The following SUPT3H variants were observed in gnomAD, a reference collection of about 807,000 sequenced individuals.
SUPT3H encodes the protein transcription initiation protein SPT3 homolog.
A neutral mutation model predicts 44.3 loss-of-function variants in SUPT3H; 44 were observed. That is an observed-to-expected ratio of 0.99 (90% CI 0.78 to 1.28). SUPT3H has a LOEUF of 1.28. Ranked by LOEUF, SUPT3H falls within the 50% of genes most tolerant of loss-of-function variation. The pLI, the probability that SUPT3H is intolerant of heterozygous loss-of-function variation, is 0.00. For synonymous variants in SUPT3H, 124 were observed against 125.6 expected (o/e 0.99, Z 0.09); for missense variants, 380 against 387.1 (o/e 0.98, Z 0.15).
intron 2 of SUPT3H, among the ~76,000 whole-genome samples, chr6:45,277,987 G>A (rs139513517): frequency 0.018 from 2,668 of 152,280 alleles, 50 homozygotes; most frequent in South Asian, 0.085. Context: ...GGACATGGAT[G>A]AAGCTGGAAA....
At chr6:45,263,342 G>A (rs1039854134) in intron 2 of SUPT3H, among the ~76,000 whole-genome samples, 2 of 152,136 alleles carry the variant, frequency 1.3e-5, no homozygotes, top group Admixed American at 1.3e-4. Flanking sequence ...AAATACGGAT[G>A]CAGCTGAAGG....
At chr6:44,821,482 C>A (rs1190042054) in intron 11 of SUPT3H, among the ~76,000 whole-genome samples, 2 of 152,162 alleles carry the variant, frequency 1.3e-5, no homozygotes, top group East Asian at 3.8e-4. Flanking sequence ...ACCTGCCCCT[C>A]TTTCAATTTT....
chr6:45,373,008 T>C lies in SUPT3H; in HGVS notation c.-1+4760A>G, dbSNP rs6930090. On this transcript the variant is annotated intron_variant, in intron 1 of 10. Coordinates refer to ENST00000371459, the MANE Select transcript of SUPT3H (RefSeq NM_003599.4). Reference sequence around the variant, plus strand: ...ATTTTTAGTAGACAGAGTTTCACCATGTTGGCCAGGCTGGTCTCAAACTCC... The same window carrying C: ...ATTTTTAGTAGACAGAGTTTCACCACGTTGGCCAGGCTGGTCTCAAACTCC... Among the ~76,000 whole-genome samples the C allele has an allele frequency of 3.9e-3, 594 of 152,270 alleles. 7 individuals are homozygous for C. Among genetic ancestry groups the C allele is most frequent in the African/African-American group, 0.014 (566 of 41,544 alleles).
At position 44,829,783 on chromosome 6, in the gene SUPT3H, T is replaced by G; in HGVS notation, c.*33A>C. 2 of 1,608,290 alleles carry G rather than the reference T, an allele frequency of 1.2e-6. No homozygotes were observed. Among genetic ancestry groups the G allele is most frequent in the Non-Finnish European group, 1.7e-6 (2 of 1,176,652 alleles). On this transcript the variant is annotated 3_prime_UTR_variant, in exon 11 of 11. Coordinates refer to ENST00000371459, the MANE Select transcript of SUPT3H (RefSeq NM_003599.4). Reference sequence around the variant, plus strand: ...AATCACCTTAATATAACATTGCCTTTCCTGTTGTTGCAGGCACATCACAGT... The same window carrying G: ...AATCACCTTAATATAACATTGCCTTGCCTGTTGTTGCAGGCACATCACAGT...
chr6:45,143,727 CA>C (rs938885665), intron 2 of SUPT3H, among the ~76,000 whole-genome samples: 8 of 151,466 alleles, frequency 5.3e-5, no homozygotes, highest in Middle Eastern at 3.4e-3. Context: ...GAAATTGAAA[CA>C]AAAAAATGCA....
At chr6:44,972,423 G>A (rs1468669861) in intron 6 of SUPT3H, among the ~76,000 whole-genome samples, 1 of 152,162 alleles carries the variant, frequency 6.6e-6, no homozygotes, top group Non-Finnish European at 1.5e-5. Context: ...ACGCCCCTGT[G>A]GCTTTGTAGG....
intron 2 of SUPT3H, among the ~76,000 whole-genome samples, chr6:45,293,976 A>G (rs1286328252): frequency 6.6e-6 from 1 of 152,170 alleles, no homozygotes; most frequent in Non-Finnish European, 1.5e-5. Flanking sequence ...CCCTCCCTAA[A>G]TCATTCTATG....
intron 10 of SUPT3H, among the ~76,000 whole-genome samples, chr6:44,850,078 T>C (rs1180766387): frequency 6.6e-6 from 1 of 152,126 alleles, no homozygotes. Flanking sequence ...TGGTCAGAGA[T>C]GATGACTAAA....
At chr6:45,062,122 G>A (rs898907441) in intron 3 of SUPT3H, among the ~76,000 whole-genome samples, 1 of 151,336 alleles carries the variant, frequency 6.6e-6, no homozygotes, top group South Asian at 2.1e-4. Flanking sequence ...ATTTACACTG[G>A]CGTCTGATAT....
chr6:45,341,435 G>C (rs868017163), intron 2 of SUPT3H, among the ~76,000 whole-genome samples: 13 of 152,214 alleles, frequency 8.5e-5, no homozygotes, highest in Middle Eastern at 3.4e-3. Flanking sequence ...ATATTTTAAT[G>C]AGCAAACTAA....
At chr6:45,300,985 T>C (rs1782065339) in intron 2 of SUPT3H, among the ~76,000 whole-genome samples, 1 of 152,134 alleles carries the variant, frequency 6.6e-6, no homozygotes, top group Non-Finnish European at 1.5e-5. Context: ...CAGGGAGATG[T>C]CACATATTGA....
At chr6:44,947,298 C>T (rs1332138580) in intron 9 of SUPT3H, among the ~76,000 whole-genome samples, 1 of 151,882 alleles carries the variant, frequency 6.6e-6, no homozygotes, top group African/African-American at 2.4e-5. Flanking sequence ...CAGAAACATA[C>T]AAATATATTG....
intron 6 of SUPT3H, among the ~76,000 whole-genome samples, chr6:44,973,995 G>A (rs983613282): frequency 5.3e-5 from 8 of 152,110 alleles, no homozygotes; most frequent in African/African-American, 1.7e-4. Context: ...TGGGGACACA[G>A]CCAAACTGTA....
intron 2 of SUPT3H, among the ~76,000 whole-genome samples, chr6:45,113,770 C>A (rs890988009): frequency 1.3e-4 from 18 of 142,066 alleles, no homozygotes; most frequent in African/African-American, 4.5e-4. Context: ...GCAGAGGTTG[C>A]GGTGAGCCGA....
At chr6:45,232,762 C>T (rs1026542249) in intron 2 of SUPT3H, among the ~76,000 whole-genome samples, 2 of 152,114 alleles carry the variant, frequency 1.3e-5, no homozygotes, top group African/African-American at 4.8e-5. Flanking sequence ...GACAGGAGCA[C>T]CACAGCACTG....
chr6:45,192,491 T>C (rs1815309339), intron 2 of SUPT3H, among the ~76,000 whole-genome samples: 1 of 152,180 alleles, frequency 6.6e-6, no homozygotes, highest in African/African-American at 2.4e-5. Context: ...ATTTTATGTT[T>C]TTAAAGAGTA....
chr6:44,911,753 G>A (rs1767087423), intron 10 of SUPT3H, among the ~76,000 whole-genome samples: 1 of 152,116 alleles, frequency 6.6e-6, no homozygotes, highest in African/African-American at 2.4e-5. Flanking sequence ...AGGGTAATAC[G>A]AATTGTTACT....
chr6:45,129,538 A>G (rs995438718), intron 2 of SUPT3H, among the ~76,000 whole-genome samples: 2 of 152,220 alleles, frequency 1.3e-5, no homozygotes, highest in Non-Finnish European at 1.5e-5. Context: ...ATTTATTGAA[A>G]GTTCACCGTC....
intron 10 of SUPT3H, among the ~76,000 whole-genome samples, chr6:44,869,495 C>G (rs941507503): frequency 6.6e-6 from 1 of 152,144 alleles, no homozygotes; most frequent in Non-Finnish European, 1.5e-5. Context: ...TGAAAATCAG[C>G]ACGTATGTAG....
Sources: gnomAD v4.1 joint callset for allele counts (sites outside exome capture counted in the v4.1 genomes callset) on GRCh38, gnomAD v4.1.1 for gene constraint, MANE v1.5 for transcripts, NCBI Gene and HGNC (gene_info 2026-07-23, HGNC 2026-07-21) for gene names.